The following METTL15 variants were observed in gnomAD, a reference collection of about 807,000 sequenced individuals.
The protein encoded by METTL15 is methyltransferase 15, mitochondrial 12S rRNA N4-cytidine, also known as 12S rRNA N(4)-cytidine methyltransferase METTL15.
A neutral mutation model predicts 38.3 loss-of-function variants in METTL15; 34 were observed. That is an observed-to-expected ratio of 0.89 (90% CI 0.68 to 1.18). The LOEUF (loss-of-function observed/expected upper bound fraction) is 1.18. Among genes scored for constraint, METTL15 ranks in the 50% most tolerant of loss-of-function variants. METTL15 has a pLI of 0.00. For missense variants in METTL15, 438 were observed against 498.4 expected (o/e 0.88, Z 1.15); for synonymous variants, 162 against 170.9 (o/e 0.95, Z 0.41).
intron 6 of METTL15, among the ~76,000 whole-genome samples, chr11:28,426,552 A>G (rs1314235528): frequency 7.6e-6 from 1 of 131,288 alleles, no homozygotes; most frequent in Non-Finnish European, 1.6e-5. Flanking sequence ...GTGTAAAAGC[A>G]TTATTTTTTC....
At chr11:28,406,816 C>T (rs904142828) in intron 5 of METTL15, among the ~76,000 whole-genome samples, 5 of 151,944 alleles carry the variant, frequency 3.3e-5, no homozygotes, top group African/African-American at 1.2e-4. Flanking sequence ...ATATTGGCTG[C>T]GGGTTTGTCA....
intron 3 of METTL15, among the ~76,000 whole-genome samples, 170 bp downstream of exon 3, chr11:28,113,774 A>C (rs1025671539): frequency 1.1e-4 from 16 of 152,236 alleles, no homozygotes; most frequent in Admixed American, 5.9e-4. Context: ...TGTACTTTTC[A>C]GTGCCATACA....
In METTL15 at chr11:28,296,884, G is replaced by T. The variant is rs747102577; in HGVS notation, c.731G>T (p.Ser244Ile). 2.5e-6 allele frequency: 4 copies of T among 1,613,466 alleles called. No homozygotes were observed. The highest frequency in any genetic ancestry group is 3.4e-6 in the Non-Finnish European group (4 of 1,179,706). The change falls in exon 6 of 7, where the codon AGC (serine) becomes ATC (isoleucine). Residue 244 changes from serine to isoleucine, a missense_variant. Coordinates refer to ENST00000407364, the MANE Select transcript of METTL15 (RefSeq NM_001113528.2). The part of the protein sequence containing the change: ...KIASAIVQAR[S>I]IYPITRTQQL... Reference sequence around the variant, plus strand: ...GCTTCAGCAATTGTTCAGGCACGCAGCATCTACCCCATCACCAGAACCCAG... The same window carrying T: ...GCTTCAGCAATTGTTCAGGCACGCATCATCTACCCCATCACCAGAACCCAG...
chr11:28,299,528 A>G (rs1274536647), intron 6 of METTL15, among the ~76,000 whole-genome samples: 1 of 152,154 alleles, frequency 6.6e-6, no homozygotes, highest in East Asian at 1.9e-4. Flanking sequence ...GTAAGTGCAC[A>G]GCTCTCTTGA....
chr11:28,316,838 T>C (rs775204561), intron 6 of METTL15, among the ~76,000 whole-genome samples: 3 of 152,196 alleles, frequency 2.0e-5, no homozygotes, highest in Non-Finnish European at 2.9e-5. Flanking sequence ...CTGCAATGCA[T>C]GTAAGACGTG....
At chr11:28,375,193 G>A (rs2133378940) in intron 5 of METTL15, among the ~76,000 whole-genome samples, 1 of 138,660 alleles carries the variant, frequency 7.2e-6, no homozygotes, top group African/African-American at 2.7e-5. Context: ...AATGAGTTAG[G>A]GAGGATTCCC....
intron 6 of METTL15, among the ~76,000 whole-genome samples, chr11:28,440,047 AC>A (rs1322713896): frequency 3.9e-5 from 6 of 151,994 alleles, no homozygotes; most frequent in Admixed American, 1.3e-4. Flanking sequence ...CCAGGCTAAG[AC>A]CCTGACTGTG....
At chr11:28,443,667 C>T (rs1395110413) in intron 6 of METTL15, among the ~76,000 whole-genome samples, 1 of 152,142 alleles carries the variant, frequency 6.6e-6, no homozygotes, top group Non-Finnish European at 1.5e-5. Flanking sequence ...TCTCCAGTTG[C>T]TTAGGCCAAA....
At chr11:28,134,648 C>A in intron 3 of METTL15, 1 of 398,336 alleles carries the variant, frequency 2.5e-6, no homozygotes, top group South Asian at 1.3e-4. Context: ...CTCCTGAGGT[C>A]AGTTTAAGGG....
At chr11:28,220,122 C>A (rs976582459) in intron 4 of METTL15, among the ~76,000 whole-genome samples, 1 of 152,102 alleles carries the variant, frequency 6.6e-6, no homozygotes, top group Non-Finnish European at 1.5e-5. Context: ...TCTTTTTTAA[C>A]TTTCTGTCTT....
At chr11:28,117,737 C>A (rs776956918) in intron 3 of METTL15, among the ~76,000 whole-genome samples, 16 of 152,036 alleles carry the variant, frequency 1.1e-4, no homozygotes, top group Non-Finnish European at 1.9e-4. Context: ...TATTTCTTAC[C>A]TTTTCTGCTG....
intron 6 of METTL15, among the ~76,000 whole-genome samples, chr11:28,472,415 G>A (rs1260599578): frequency 6.6e-6 from 1 of 152,088 alleles, no homozygotes; most frequent in African/African-American, 2.4e-5. Flanking sequence ...TGGATTTCAA[G>A]GGGCATGCTG....
At chr11:28,324,969 G>C (rs1380503940) in intron 6 of METTL15, among the ~76,000 whole-genome samples, 3 of 152,130 alleles carry the variant, frequency 2.0e-5, no homozygotes, top group African/African-American at 7.2e-5. Context: ...GGCTCCTGCT[G>C]CCCCCATGCC....
At chr11:28,351,246 G>C (rs1850039270) in intron 3 of METTL15, among the ~76,000 whole-genome samples, 1 of 152,044 alleles carries the variant, frequency 6.6e-6, no homozygotes, top group Non-Finnish European at 1.5e-5. Flanking sequence ...TGAGTAGCTG[G>C]GACTACAGGC....
intron 3 of METTL15, among the ~76,000 whole-genome samples, chr11:28,187,693 T>C (rs1851550491): frequency 6.6e-6 from 1 of 150,972 alleles, no homozygotes; most frequent in Non-Finnish European, 1.5e-5. Flanking sequence ...TGCTCCTGTA[T>C]AGAACAAGGT....
At chr11:28,397,580 C>T (rs1246542599) in intron 5 of METTL15, among the ~76,000 whole-genome samples, 1 of 151,890 alleles carries the variant, frequency 6.6e-6, no homozygotes, top group Admixed American at 6.6e-5. Context: ...ATTAAAAAGT[C>T]AGGAAACAAC....
chr11:28,278,215 G>A (rs1855916157), intron 4 of METTL15, among the ~76,000 whole-genome samples: 1 of 152,114 alleles, frequency 6.6e-6, no homozygotes, highest in Admixed American at 6.5e-5. Context: ...TCAGAAGCAG[G>A]CACACACTGG....
chr11:28,236,240 T>C (rs1488487595), intron 4 of METTL15, among the ~76,000 whole-genome samples: 1 of 152,174 alleles, frequency 6.6e-6, no homozygotes, highest in Admixed American at 6.5e-5. Flanking sequence ...TGCATCAATG[T>C]TCATCAAGGA....
chr11:28,372,741 G>T (rs1213997003), intron 5 of METTL15, among the ~76,000 whole-genome samples: 1 of 149,676 alleles, frequency 6.7e-6, no homozygotes. Flanking sequence ...CTAGCATTAG[G>T]TATATCTCAT....
Sources: gnomAD v4.1 joint callset for allele counts (sites outside exome capture counted in the v4.1 genomes callset) on GRCh38, gnomAD v4.1.1 for gene constraint, MANE v1.5 for transcripts, NCBI Gene and HGNC (gene_info 2026-07-23, HGNC 2026-07-21) for gene names.